MACC1: variants seen among roughly 807,000 people sequenced by gnomAD.
MACC1 encodes the protein metastasis-associated in colon cancer protein 1.
In MACC1, 79 loss-of-function variants were observed where a neutral mutation model predicts 70.7. That is an observed-to-expected ratio of 1.12 (90% CI 0.93 to 1.35). MACC1 has a LOEUF of 1.35. Among genes scored for constraint, MACC1 ranks in the 40% most tolerant of loss-of-function variants. MACC1 has a pLI of 0.00. For missense variants in MACC1, 1,106 were observed against 978.1 expected (o/e 1.13, Z -1.74); for synonymous variants, 361 against 347.2 (o/e 1.04, Z -0.44).
chr7:20,164,431 A>G (rs937259157), intron 2 of MACC1, 32 bp from the exon 3 acceptor site: 1 of 152,210 alleles, frequency 6.6e-6, no homozygotes, highest in Non-Finnish European at 1.5e-5. Flanking sequence ...TTAAAACAAG[A>G]TGGAAAACAG....
intron 3 of MACC1, among the ~76,000 whole-genome samples, chr7:20,163,537 G>A (rs1782167075): frequency 6.6e-6 from 1 of 152,108 alleles, no homozygotes; most frequent in Non-Finnish European, 1.5e-5. Context: ...CCATATAAGT[G>A]GATAAATAAA....
At chr7:20,209,952 ATT>A (rs1782972191) in intron 1 of MACC1, among the ~76,000 whole-genome samples, 1 of 152,130 alleles carries the variant, frequency 6.6e-6, no homozygotes, top group Non-Finnish European at 1.5e-5. Flanking sequence ...GCTGGCACTC[ATT>A]CTCTCTCCTG....
chr7:20,211,480 G>C (rs970620129), intron 1 of MACC1, among the ~76,000 whole-genome samples: 1 of 152,070 alleles, frequency 6.6e-6, no homozygotes, highest in African/African-American at 2.4e-5. Flanking sequence ...GTTGAGAAAC[G>C]GAGAGGTTGA....
rs140781939 is a variant in MACC1 at position 20,199,717 on chromosome 7, G to A, written c.-218+17582C>T. Among the ~76,000 whole-genome samples, 700 of 152,284 alleles carry A rather than the reference G, an allele frequency of 4.6e-3. 20 individuals are homozygous for A. The highest frequency in any genetic ancestry group is 0.039 in the Admixed American group (593 of 15,296). On this transcript the variant is annotated intron_variant, in intron 1 of 6. Coordinates refer to ENST00000400331, the MANE Select transcript of MACC1 (RefSeq NM_182762.4). ...TGAATGAAGAGGAACTCACAGAGGT[G>A]AGTCAAAGAGTACAGAGTCATTCAA...
intron 1 of MACC1, among the ~76,000 whole-genome samples, chr7:20,215,485 C>A (rs1190763008): frequency 6.6e-6 from 1 of 152,204 alleles, no homozygotes; most frequent in Admixed American, 6.5e-5. Context: ...GCCTCTGCAG[C>A]TTTCCTCCAC....
intron 1 of MACC1, among the ~76,000 whole-genome samples, chr7:20,197,248 G>T (rs1782767310): frequency 6.6e-6 from 1 of 152,066 alleles, no homozygotes; most frequent in Non-Finnish European, 1.5e-5. Context: ...TTTCTCTCAG[G>T]CCCAGCACTG....
intron 1 of MACC1, among the ~76,000 whole-genome samples, chr7:20,180,367 C>A (rs1028272967): frequency 2.7e-5 from 4 of 150,908 alleles, no homozygotes; most frequent in Non-Finnish European, 5.9e-5. Flanking sequence ...TGCTTGAACC[C>A]GGGAGGAGGA....
At chr7:20,187,074 G>A (rs914079491) in intron 1 of MACC1, among the ~76,000 whole-genome samples, 2 of 152,106 alleles carry the variant, frequency 1.3e-5, no homozygotes, top group Non-Finnish European at 1.5e-5. Context: ...TGGACTTATT[G>A]GGATGTAACC....
intron 1 of MACC1, among the ~76,000 whole-genome samples, chr7:20,177,981 T>C (rs1782422861): frequency 6.6e-6 from 1 of 152,098 alleles, no homozygotes; most frequent in Non-Finnish European, 1.5e-5. Flanking sequence ...CATTACCTTA[T>C]TTTGTGTTTA....
chr7:20,168,161 C>T, intron 2 of MACC1, among the ~76,000 whole-genome samples: 1 of 152,032 alleles, frequency 6.6e-6, no homozygotes, highest in Admixed American at 6.6e-5. Flanking sequence ...ATACCCACAA[C>T]ACACATGCAC....
intron 4 of MACC1, among the ~76,000 whole-genome samples, chr7:20,160,795 T>A (rs1782129560): frequency 6.6e-6 from 1 of 152,084 alleles, no homozygotes; most frequent in Admixed American, 6.5e-5. Flanking sequence ...TAAAACAATA[T>A]GCTAAGTTAG....
At chr7:20,195,232 C>T (rs1005438246) in intron 1 of MACC1, among the ~76,000 whole-genome samples, 4 of 152,292 alleles carry the variant, frequency 2.6e-5, no homozygotes, top group Non-Finnish European at 5.9e-5. Flanking sequence ...TTATGCTCCT[C>T]TTCCAACCCG....
chr7:20,208,495 A>G (rs1782947283), intron 1 of MACC1, among the ~76,000 whole-genome samples: 1 of 152,222 alleles, frequency 6.6e-6, no homozygotes, highest in Admixed American at 6.5e-5. Context: ...TTTAGCAAAG[A>G]GACTGGCAGC....
In MACC1 at chr7:20,183,718, T is replaced by TC. The variant is rs1782544950; in HGVS notation, c.-217-12941_-217-12940insG. Among the ~76,000 whole-genome samples, 3 of 151,370 alleles carry TC rather than the reference T, an allele frequency of 2.0e-5. No homozygotes were observed. The South Asian group carries it at 6.3e-4, about 32-fold the overall frequency. The stretch of plus-strand genomic sequence containing the variant: ...TCAATACCTGATTCTAACTTTTTTT[T>TC]TTTTTTTTGAGGGAGAGTCTCACTC... On this transcript the variant is annotated intron_variant, in intron 1 of 6. Transcript: ENST00000400331.
chr7:20,149,043 T>C (rs1439121954), intron 6 of MACC1, among the ~76,000 whole-genome samples: 1 of 152,194 alleles, frequency 6.6e-6, no homozygotes, highest in African/African-American at 2.4e-5. Context: ...GAAGTTGCCA[T>C]GTAAGCCAGA....
chr7:20,190,462 C>G (rs966395823), intron 1 of MACC1, among the ~76,000 whole-genome samples: 12 of 152,060 alleles, frequency 7.9e-5, no homozygotes, highest in African/African-American at 2.9e-4. Flanking sequence ...GAAAAACTTT[C>G]TCAATATAAA....
chr7:20,136,050 A>C lies in MACC1; in HGVS notation c.*4896T>G, dbSNP rs977118447. 1 of 152,232 alleles carries C rather than the reference A, an allele frequency of 6.6e-6. No homozygotes were observed. Among genetic ancestry groups the C allele is most frequent in the African/African-American group, 2.4e-5 (1 of 41,468 alleles). The allele number at this position is 152,232 out of a possible 1,614,324, so 9.4% of individuals were successfully genotyped here. A position where few individuals can be genotyped will look rare whatever the true frequency, so the allele number is the denominator to read the frequency against. Reference sequence around the variant, plus strand: ...TTTCTCAAAGCAAAAAGAATAAAGAAAAACGCAATACATTCTAGTCATTGA... The same window carrying C: ...TTTCTCAAAGCAAAAAGAATAAAGACAAACGCAATACATTCTAGTCATTGA... On this transcript the variant is annotated 3_prime_UTR_variant, in exon 7 of 7. Coordinates refer to ENST00000400331, the MANE Select transcript of MACC1 (RefSeq NM_182762.4).
intron 2 of MACC1, among the ~76,000 whole-genome samples, chr7:20,166,523 C>T (rs146038840): frequency 3.5e-4 from 54 of 152,274 alleles, no homozygotes; most frequent in African/African-American, 1.3e-3. Context: ...ACACCATACA[C>T]AAGCATACTT....
rs144658209 is a variant in MACC1, at chr7:20,147,912, C to A, written c.2346+6281G>T. Among the ~76,000 whole-genome samples, 934 of 152,330 alleles carry A rather than the reference C, an allele frequency of 6.1e-3. 11 individuals are homozygous for A. Among genetic ancestry groups the A allele is most frequent in the African/African-American group, 0.021 (879 of 41,576 alleles). On this transcript the variant is annotated intron_variant, in intron 6 of 6. Coordinates refer to ENST00000400331, the MANE Select transcript of MACC1 (RefSeq NM_182762.4). ...TTGGGAGGATTCCTCATTGCCTCCTCATCATCACTGCCACCCATGCCCCTG... is the reference window on the plus strand; with the variant it reads ...TTGGGAGGATTCCTCATTGCCTCCTAATCATCACTGCCACCCATGCCCCTG...
Sources: allele counts gnomAD v4.1 joint callset (sites outside exome capture counted in the v4.1 genomes callset), GRCh38; gene constraint gnomAD v4.1.1; transcripts MANE v1.5; gene names NCBI Gene and HGNC (gene_info 2026-07-23, HGNC 2026-07-21).